The following ZFPM2 variants were observed in gnomAD, a reference collection of about 807,000 sequenced individuals.
ZFPM2 encodes the protein zinc finger protein ZFPM2.
In ZFPM2, 20 loss-of-function variants were observed where a neutral mutation model predicts 98.6. The ratio of observed to expected loss-of-function variants is 0.20; its 90% CI spans 0.14 to 0.29. The LOEUF (loss-of-function observed/expected upper bound fraction) is 0.29. Ranked by LOEUF, ZFPM2 falls within the 10% of genes least tolerant of loss-of-function variation. The pLI is 1.00. For synonymous variants in ZFPM2, 518 were observed against 502.7 expected (o/e 1.03, Z -0.41); for missense variants, 1,310 against 1,388.6 (o/e 0.94, Z 0.90).
rs928376773 is a variant in ZFPM2 at position 105,777,759 on chromosome 8, GA to G, written c.533-10952del. Among the ~76,000 whole-genome samples the G allele has an allele frequency of 4.0e-5, 6 of 151,804 alleles. 1 individual carries two copies. The highest frequency in any genetic ancestry group is 9.7e-5 in the African/African-American group (4 of 41,434). On this transcript the variant is annotated intron_variant, in intron 5 of 7. Transcript: ENST00000407775. ...TATGAGTTGGCATGTTGCTGCATAC[GA>G]AAAAAAGGCATTAATCAACTCTAAA... is the stretch of plus-strand genomic sequence containing the variant.
chr8:105,340,821 T>C (rs1040535392), intron 1 of ZFPM2, among the ~76,000 whole-genome samples: 3 of 151,936 alleles, frequency 2.0e-5, no homozygotes, highest in African/African-American at 7.2e-5. Context: ...TCAGTGAATG[T>C]GCAATGCAAT....
chr8:105,346,421 G>C (rs1190234385), intron 1 of ZFPM2, among the ~76,000 whole-genome samples: 1 of 151,716 alleles, frequency 6.6e-6, no homozygotes, highest in Middle Eastern at 3.2e-3. Flanking sequence ...TAAAATAAGA[G>C]ATTTAGTTTT....
intron 5 of ZFPM2, chr8:105,685,688 A>G (rs1305506363): frequency 6.6e-6 from 1 of 152,106 alleles, no homozygotes; most frequent in African/African-American, 2.4e-5. Context: ...CAACTTTTGC[A>G]TTTCACTTTT....
chr8:105,366,766 G>A (rs1038958052), intron 1 of ZFPM2, among the ~76,000 whole-genome samples: 7 of 149,350 alleles, frequency 4.7e-5, no homozygotes, highest in Admixed American at 1.4e-4. Context: ...GAGAATATGC[G>A]GTGTTTGGGT....
At chr8:105,376,849 A>G (rs747382779) in intron 1 of ZFPM2, among the ~76,000 whole-genome samples, 6 of 152,206 alleles carry the variant, frequency 3.9e-5, no homozygotes, top group Non-Finnish European at 8.8e-5. Flanking sequence ...CATCCTGGGT[A>G]TAGCAGATAA....
intron 3 of ZFPM2, among the ~76,000 whole-genome samples, chr8:105,555,327 A>T (rs1382771585): frequency 3.3e-5 from 5 of 152,040 alleles, no homozygotes; most frequent in Admixed American, 3.3e-4. Context: ...AACATTTTTT[A>T]TTTTTTTATC....
rs61035457 is a variant in ZFPM2 at position 105,494,183 on chromosome 8, G to GTATATATATATATATA, written c.301+49831_301+49846dup. On this transcript the variant is annotated intron_variant, in intron 3 of 7. Coordinates refer to ENST00000407775, the MANE Select transcript of ZFPM2 (RefSeq NM_012082.4). ...GCTCACATTTAAGCTGCCACCAAAAGTATATATATATATATATATATATAT... is the reference window on the plus strand; with the variant it reads ...GCTCACATTTAAGCTGCCACCAAAAGTATATATATATATATATATATATATATATATATATATATAT... 9.2e-4 allele frequency among the ~76,000 whole-genome samples: 55 copies of GTATATATATATATATA among 59,998 alleles called. 3 individuals carry two copies. The highest frequency in any genetic ancestry group is 2.5e-3 in the East Asian group (3 of 1,212). 39.4% of individuals were successfully genotyped at this position (59,998 alleles called of 152,430 possible).
chr8:105,699,154 G>A (rs1811086248), intron 5 of ZFPM2, among the ~76,000 whole-genome samples: 1 of 152,104 alleles, frequency 6.6e-6, no homozygotes, highest in Non-Finnish European at 1.5e-5. Context: ...TGAACATCTT[G>A]CCATTAAAAT....
At chr8:105,706,678 C>T (rs1398949896) in intron 5 of ZFPM2, among the ~76,000 whole-genome samples, 1 of 152,054 alleles carries the variant, frequency 6.6e-6, no homozygotes, top group Non-Finnish European at 1.5e-5. Context: ...CTCCCAGGTT[C>T]AAGCGATTCT....
intron 1 of ZFPM2, among the ~76,000 whole-genome samples, chr8:105,330,615 T>TATATATATACATATATATATACAC (rs1563606901): frequency 5.9e-4 from 34 of 57,390 alleles, no homozygotes; most frequent in African/African-American, 4.2e-3. Context: ...TATATACACA[T>TATATATATACATATATATATACAC]ATATATATAT....
intron 2 of ZFPM2, among the ~76,000 whole-genome samples, chr8:105,439,643 A>C (rs900625327): frequency 2.6e-5 from 4 of 152,230 alleles, no homozygotes; most frequent in African/African-American, 7.2e-5. Context: ...CTATCTGTGC[A>C]TCAATTTCCT....
chr8:105,684,199 T>C (rs1810681069), intron 5 of ZFPM2, among the ~76,000 whole-genome samples: 1 of 152,154 alleles, frequency 6.6e-6, no homozygotes, highest in Non-Finnish European at 1.5e-5. Context: ...TTATACTTAA[T>C]ATAGAAATGA....
chr8:105,486,521 T>A (rs1813233668), intron 3 of ZFPM2, among the ~76,000 whole-genome samples: 1 of 152,144 alleles, frequency 6.6e-6, no homozygotes, highest in African/African-American at 2.4e-5. Context: ...CTGTCCTAGG[T>A]ATTTGCTTGT....
chr8:105,427,073 T>C (rs984407129), intron 2 of ZFPM2, among the ~76,000 whole-genome samples: 10 of 152,104 alleles, frequency 6.6e-5, no homozygotes, highest in Non-Finnish European at 1.5e-4. Flanking sequence ...CAAAACATAG[T>C]TTTTGTTTGG....
chr8:105,452,408 A>G (rs745333613), intron 3 of ZFPM2, among the ~76,000 whole-genome samples: 1 of 152,038 alleles, frequency 6.6e-6, no homozygotes, highest in Non-Finnish European at 1.5e-5. Flanking sequence ...AGGAATTGGT[A>G]TATAAGAAAT....
At position 105,588,984 on chromosome 8, in the gene ZFPM2, G is replaced by T. The variant is rs1413190632; in HGVS notation, c.420+27503G>T. Among the ~76,000 whole-genome samples, 4 of 152,140 alleles carry T rather than the reference G, an allele frequency of 2.6e-5. 1 individual carries two copies. The highest frequency in any genetic ancestry group is 2.6e-4 in the Admixed American group (4 of 15,270). The stretch of plus-strand genomic sequence containing the variant: ...GTGTACACAGTTGAATGAGATTTAA[G>T]AATCCTTAATCCCGTTATGTTTTAA... On this transcript the variant is annotated intron_variant, in intron 4 of 7. Transcript: ENST00000407775.
chr8:105,639,489 A>G (rs904506822), intron 5 of ZFPM2, among the ~76,000 whole-genome samples: 5 of 152,080 alleles, frequency 3.3e-5, no homozygotes, highest in African/African-American at 1.2e-4. Flanking sequence ...CCTCAACAAC[A>G]TAATATTTCT....
chr8:105,493,628 G>A (rs180791332), intron 3 of ZFPM2, among the ~76,000 whole-genome samples: 66 of 152,160 alleles, frequency 4.3e-4, no homozygotes, highest in African/African-American at 1.5e-3. Context: ...CCACTTGCCA[G>A]TTGTAGCACT....
At chr8:105,610,611 A>G (rs1244730438) in intron 4 of ZFPM2, among the ~76,000 whole-genome samples, 1 of 152,126 alleles carries the variant, frequency 6.6e-6, no homozygotes, top group African/African-American at 2.4e-5. Context: ...TTTGTTTTAT[A>G]TTGTATATTG....
Sources: gnomAD v4.1 joint callset for allele counts (sites outside exome capture counted in the v4.1 genomes callset) on GRCh38, gnomAD v4.1.1 for gene constraint, MANE v1.5 for transcripts, NCBI Gene and HGNC (gene_info 2026-07-23, HGNC 2026-07-21) for gene names.